Variants in C8orf76 observed in about 807,000 individuals in gnomAD.
C8orf76 encodes uncharacterized protein C8orf76.
Under a neutral mutation model 38.1 loss-of-function variants are expected in C8orf76, and 46 were observed. The ratio of observed to expected loss-of-function variants is 1.21; its 90% CI spans 0.95 to 1.54. The LOEUF is 1.54. Ranked by LOEUF, C8orf76 falls within the 40% of genes most tolerant of loss-of-function variation. C8orf76 has a pLI of 0.00. For synonymous variants in C8orf76, 166 were observed against 167.5 expected (o/e 0.99, Z 0.07); for missense variants, 461 against 441.6 (o/e 1.04, Z -0.39).
chr8:123,226,731 C>T (rs1030064020), intron 4 of C8orf76, 99 bp from the exon 5 acceptor site: 6 of 1,469,416 alleles, frequency 4.1e-6, no homozygotes, highest in African/African-American at 1.4e-5. Flanking sequence ...GGTATTGAGT[C>T]GGCTGCAAGT....
At chr8:123,231,237 T>A (rs572023405) in intron 4 of C8orf76, 63 bp downstream of exon 4, 116 of 1,511,254 alleles carry the variant, frequency 7.7e-5, no homozygotes, top group Middle Eastern at 5.3e-4. Context: ...AGCTTAAAAT[T>A]AGAAAATAAA....
chr8:123,238,387 G>A (rs1366952257), intron 2 of C8orf76, among the ~76,000 whole-genome samples: 1 of 151,822 alleles, frequency 6.6e-6, no homozygotes, highest in East Asian at 1.9e-4. Context: ...AGAACTGTGA[G>A]TCCATTAAAC....
chr8:123,224,849 C>A (rs1824987713), intron 5 of C8orf76, among the ~76,000 whole-genome samples: 1 of 152,116 alleles, frequency 6.6e-6, no homozygotes, highest in Non-Finnish European at 1.5e-5. Context: ...ACATAAGATA[C>A]ATTCTTATGT....
At position 123,231,574 on chromosome 8, in the gene C8orf76, G is replaced by C. The variant is rs148489515; in HGVS notation, c.541C>G (p.Leu181Val). ...TGAGATGACGCAAGTGCTGCTGAAAGAGCTGGCCCCAGATTCAGGTAAGCC... is the reference window on the plus strand; with the variant it reads ...TGAGATGACGCAAGTGCTGCTGAAACAGCTGGCCCCAGATTCAGGTAAGCC... ...AEAYLNLGPA[L>V]SAALASSQKQ... The change falls in exon 4 of 6, where the codon CTT (leucine) becomes GTT (valine). Residue 181 changes from leucine to valine, a missense_variant. Leu to Val is a conservative substitution (Grantham distance 32). Transcript: ENST00000276704. 6.7e-5 allele frequency: 108 copies of C among 1,614,242 alleles called. No individual in the cohort carries two copies. In the African/African-American group the frequency reaches 1.3e-3, roughly 19 times the overall value.
At chr8:123,240,124 G>A (rs1825632663) in intron 1 of C8orf76, 1 of 152,670 alleles carries the variant, frequency 6.6e-6, no homozygotes, top group Non-Finnish European at 1.5e-5. Flanking sequence ...AACTCTGTGA[G>A]CCAGCATGTA....
Position 123,226,563 on chromosome 8 carries a change from C to G in C8orf76, c.885G>C (p.Gln295His). The change falls in exon 5 of 6, where the codon CAG (glutamine) becomes CAC (histidine). Residue 295 changes from glutamine to histidine, a missense_variant. Physicochemically the swap from Gln to His is conservative, Grantham distance 24 (BLOSUM62 0). Coordinates refer to ENST00000276704, the MANE Select transcript of C8orf76 (RefSeq NM_032847.3). ...ACCCTTTCATTTTATCTTCAATTTCCTGCTGAGTCCTTAAGTTCCTCTCCA... is the reference window on the plus strand; with the variant it reads ...ACCCTTTCATTTTATCTTCAATTTCGTGCTGAGTCCTTAAGTTCCTCTCCA... ...FALERNLRTQ[Q>H]EIEDKMKGFS... 3.7e-6 allele frequency: 6 copies of G among 1,613,500 alleles called. No individual in the cohort carries two copies. Among genetic ancestry groups the G allele is most frequent in the Non-Finnish European group, 4.2e-6 (5 of 1,179,898 alleles).
At chr8:123,236,933 G>C in intron 3 of C8orf76, 2 of 1,450,266 alleles carry the variant, frequency 1.4e-6, no homozygotes, top group South Asian at 1.1e-5. Flanking sequence ...TCAGGACAAG[G>C]AGGGCATCCC....
intron 1 of C8orf76, 50 bp downstream of exon 1, chr8:123,241,180 A>AG: frequency 6.6e-7 from 1 of 1,505,282 alleles, no homozygotes; most frequent in Non-Finnish European, 8.8e-7. Context: ...GGCCCCGCGG[A>AG]GGGCGAGGCC....
rs554952181 is a variant in C8orf76 at position 123,232,336 on chromosome 8, AT to A, written c.358-580del. On this transcript the variant is annotated intron_variant, in intron 3 of 5. Transcript: ENST00000276704. ...GTAACCATTACCAAGGTCAATTATA[AT>A]TTTTGGCCAAAAGGGGTTGCTTAGT... Among the ~76,000 whole-genome samples the A allele has an allele frequency of 1.4e-4, 21 of 152,310 alleles. No homozygotes were observed. In the East Asian group the frequency reaches 3.9e-3, roughly 28 times the overall value.
intron 1 of C8orf76, chr8:123,239,365 C>T: frequency 4.7e-6 from 2 of 427,308 alleles, no homozygotes; most frequent in Non-Finnish European, 8.6e-6. Flanking sequence ...GCACCCAGCC[C>T]ACATTGGTTC....
intron 5 of C8orf76, among the ~76,000 whole-genome samples, chr8:123,221,464 C>T (rs900684296): frequency 6.6e-6 from 1 of 152,192 alleles, no homozygotes; most frequent in African/African-American, 2.4e-5. Context: ...GAGTCAGAGT[C>T]TCGCTCTGTA....
At position 123,241,251 on chromosome 8, in the gene C8orf76, G is replaced by A. The variant is rs773211599; in HGVS notation, c.96C>T (p.Cys32=). The change falls in exon 1 of 6, where the codon TGC becomes TGT. Residue 32 remains cysteine, a synonymous_variant. Coordinates refer to ENST00000276704, the MANE Select transcript of C8orf76 (RefSeq NM_032847.3). ...ERRSGPPASY[C]AKLCEPQWFY... is the part of the protein sequence containing the mutation. ...TCACCTGCGGCTCGCAGAGCTTGGCGCAGTAGGACGCGGGCGGTCCTGACC... is the reference window on the plus strand; with the variant it reads ...TCACCTGCGGCTCGCAGAGCTTGGCACAGTAGGACGCGGGCGGTCCTGACC... 4.4e-6 allele frequency: 7 copies of A among 1,589,400 alleles called. No individual in the cohort carries two copies. The highest frequency in any genetic ancestry group is 6.0e-6 in the Non-Finnish European group (7 of 1,172,076).
chr8:123,221,310 C>A (rs937228526), intron 5 of C8orf76, among the ~76,000 whole-genome samples: 1 of 152,206 alleles, frequency 6.6e-6, no homozygotes, highest in Non-Finnish European at 1.5e-5. Context: ...CAAGATGTAT[C>A]TGAGCCAGGT....
chr8:123,238,328 T>C (rs936156341), intron 2 of C8orf76, among the ~76,000 whole-genome samples: 2 of 152,178 alleles, frequency 1.3e-5, no homozygotes, highest in Admixed American at 6.5e-5. Flanking sequence ...GACGTGACTT[T>C]GCTCCTCCTT....
At chr8:123,237,167 G>C in intron 3 of C8orf76, 1 of 730,610 alleles carries the variant, frequency 1.4e-6, no homozygotes, top group Non-Finnish European at 2.5e-6. Context: ...GTCAACTCCC[G>C]CAAGAAGCGC....
chr8:123,236,835 G>T, intron 3 of C8orf76: 1 of 693,656 alleles, frequency 1.4e-6, no homozygotes, highest in Non-Finnish European at 2.6e-6. Flanking sequence ...CGAGGCTGCC[G>T]AGCTCCAGAT....
chr8:123,236,841 CAGATGCAG>C (rs1825505017), intron 3 of C8orf76: 2 of 723,314 alleles, frequency 2.8e-6, no homozygotes, highest in Non-Finnish European at 5.0e-6. Flanking sequence ...TGCCGAGCTC[CAGATGCAG>C]AGATGCAGAT....
chr8:123,236,799 GA>G (rs1825503285), intron 3 of C8orf76: 1 of 508,358 alleles, frequency 2.0e-6, no homozygotes, highest in South Asian at 2.2e-5. Context: ...AAAAAAAAAA[GA>G]AAGAAAAATT....
chr8:123,220,764 G>A (rs531733844), intron 5 of C8orf76, among the ~76,000 whole-genome samples: 83 of 152,274 alleles, frequency 5.5e-4, no homozygotes, highest in African/African-American at 2.0e-3. Context: ...TAAGGAGCCC[G>A]TTACCAATGA....
Sources: gnomAD v4.1 joint callset for allele counts (sites outside exome capture counted in the v4.1 genomes callset) on GRCh38, gnomAD v4.1.1 for gene constraint, MANE v1.5 for transcripts, NCBI Gene and HGNC (gene_info 2026-07-23, HGNC 2026-07-21) for gene names.